Variants in CNTNAP2 observed in about 807,000 individuals in gnomAD.
CNTNAP2 encodes the protein contactin-associated protein-like 2.
CNTNAP2 carries 98 observed loss-of-function variants against 155.2 expected under a neutral mutation model. The ratio of observed to expected loss-of-function variants is 0.63; its 90% CI spans 0.54 to 0.75. The LOEUF is 0.75. CNTNAP2 is among the 30% of genes least tolerant of loss of function. The pLI is 0.00. For missense variants in CNTNAP2, 1,727 were observed against 1,688.1 expected (o/e 1.02, Z -0.40); for synonymous variants, 651 against 631.2 (o/e 1.03, Z -0.47).
At chr7:146,351,014 C>T (rs960315522) in intron 1 of CNTNAP2, among the ~76,000 whole-genome samples, 2 of 118,294 alleles carry the variant, frequency 1.7e-5, no homozygotes, top group Admixed American at 2.5e-4. Context: ...GAGCATCACA[C>T]TCTGGGGCTT....
intron 1 of CNTNAP2, among the ~76,000 whole-genome samples, chr7:146,328,515 C>CTGTGTGTGTGTG (rs36098013): frequency 4.8e-4 from 71 of 147,204 alleles, no homozygotes; most frequent in African/African-American, 1.3e-3. Context: ...ACTTAGCGAC[C>CTGTGTGTGTGTG]TGTGTGTGTG....
At chr7:148,141,400 A>G (rs1445163129) in intron 16 of CNTNAP2, among the ~76,000 whole-genome samples, 1 of 152,228 alleles carries the variant, frequency 6.6e-6, no homozygotes, top group Non-Finnish European at 1.5e-5. Context: ...ATATTCATTG[A>G]GTTACTTTGT....
intron 15 of CNTNAP2, among the ~76,000 whole-genome samples, chr7:148,012,823 A>C (rs1380345034): frequency 2.0e-5 from 3 of 152,222 alleles, no homozygotes; most frequent in Non-Finnish European, 1.5e-5. Flanking sequence ...CTTTTGCTAC[A>C]ACAAATAATA....
chr7:147,481,916 A>G (rs1344277661), intron 10 of CNTNAP2, among the ~76,000 whole-genome samples: 2 of 152,340 alleles, frequency 1.3e-5, no homozygotes, highest in Non-Finnish European at 2.9e-5. Context: ...TTAGTTTATT[A>G]GCGCAAGAGT....
At chr7:146,344,651 A>C (rs1275312151) in intron 1 of CNTNAP2, among the ~76,000 whole-genome samples, 1 of 151,864 alleles carries the variant, frequency 6.6e-6, no homozygotes, top group African/African-American at 2.4e-5. Flanking sequence ...GCTAATTTTC[A>C]TATTTTTAGT....
chr7:147,440,744 G>C (rs1797623916), intron 10 of CNTNAP2, among the ~76,000 whole-genome samples: 1 of 152,222 alleles, frequency 6.6e-6, no homozygotes, highest in African/African-American at 2.4e-5. Flanking sequence ...TACCATTCTA[G>C]AGTGAAGGTT....
intron 3 of CNTNAP2, among the ~76,000 whole-genome samples, chr7:146,841,970 C>G (rs1032517739): frequency 6.6e-6 from 1 of 151,926 alleles, no homozygotes; most frequent in Non-Finnish European, 1.5e-5. Flanking sequence ...GCAACCTCCG[C>G]CTCCTGGATT....
chr7:147,820,991 T>A (rs1798351208), intron 13 of CNTNAP2, among the ~76,000 whole-genome samples: 1 of 152,266 alleles, frequency 6.6e-6, no homozygotes, highest in African/African-American at 2.4e-5. Context: ...TACAGATTAA[T>A]ATGTCTAGCT....
intron 13 of CNTNAP2, among the ~76,000 whole-genome samples, chr7:147,841,133 G>A (rs1433561624): frequency 6.6e-6 from 1 of 152,136 alleles, no homozygotes; most frequent in Non-Finnish European, 1.5e-5. Context: ...CTAGACAAGT[G>A]AGACAGAGAG....
chr7:148,200,903 T>C (rs1795360364), intron 18 of CNTNAP2, among the ~76,000 whole-genome samples: 1 of 152,180 alleles, frequency 6.6e-6, no homozygotes, highest in Non-Finnish European at 1.5e-5. Context: ...CTAAATAACA[T>C]AGTCCTTAAT....
At position 148,138,061 on chromosome 7, in the gene CNTNAP2, C is replaced by G. The variant is rs139750593; in HGVS notation, c.2555-9430C>G. Among the ~76,000 whole-genome samples the G allele has an allele frequency of 5.3e-5, 8 of 152,276 alleles. No homozygotes were observed. In the East Asian group the frequency reaches 1.5e-3, roughly 29 times the overall value. On this transcript the variant is annotated intron_variant, in intron 16 of 23. Coordinates refer to ENST00000361727, the MANE Select transcript of CNTNAP2 (RefSeq NM_014141.6). ...AGAGAGAAAAATACTACCTGTGATA[C>G]AACCTATCGGCAGAGTCACAAGTCA...
chr7:147,664,893 G>C (rs564222895), intron 13 of CNTNAP2, among the ~76,000 whole-genome samples: 1 of 152,322 alleles, frequency 6.6e-6, no homozygotes, highest in East Asian at 1.9e-4. Context: ...GCCCTTGTAA[G>C]TTATTTACCT....
At chr7:146,674,513 A>T (rs6963054) in intron 1 of CNTNAP2, among the ~76,000 whole-genome samples, 119,662 of 149,644 alleles carry the variant, frequency 0.8, 47,921 homozygotes, top group South Asian at 0.89. Context: ...AAAAAAAATT[A>T]AAAAAAAAAG....
chr7:147,969,460 G>A (rs1290293139), intron 14 of CNTNAP2, among the ~76,000 whole-genome samples: 1 of 152,112 alleles, frequency 6.6e-6, no homozygotes, highest in African/African-American at 2.4e-5. Context: ...ATTGCATGTT[G>A]GTTTGGTCTG....
chr7:147,328,245 T>C (rs1795496419), intron 9 of CNTNAP2, among the ~76,000 whole-genome samples: 1 of 152,070 alleles, frequency 6.6e-6, no homozygotes, highest in Non-Finnish European at 1.5e-5. Context: ...GAATCCACGA[T>C]AAAGAGGGAG....
At chr7:147,767,619 TA>T (rs149544751) in intron 13 of CNTNAP2, among the ~76,000 whole-genome samples, 1,963 of 152,194 alleles carry the variant, frequency 0.013, 24 homozygotes, top group South Asian at 0.023. Flanking sequence ...TGCATTATTA[TA>T]CTTAATTTTC....
At chr7:146,798,937 T>G (rs1316202068) in intron 2 of CNTNAP2, among the ~76,000 whole-genome samples, 1 of 152,044 alleles carries the variant, frequency 6.6e-6, no homozygotes, top group African/African-American at 2.4e-5. Flanking sequence ...TTTGAGTACA[T>G]TATGTGAGCT....
chr7:148,030,662 T>A (rs1200279081), intron 15 of CNTNAP2, among the ~76,000 whole-genome samples: 1 of 134,864 alleles, frequency 7.4e-6, no homozygotes, highest in Non-Finnish European at 1.5e-5. Context: ...ATTTTCTTTA[T>A]CCAGCTCTTT....
intron 1 of CNTNAP2, among the ~76,000 whole-genome samples, chr7:146,575,608 G>T (rs10229049): frequency 0.74 from 112,587 of 152,036 alleles, 42,183 homozygotes; most frequent in South Asian, 0.86. Context: ...AAACAGGAGT[G>T]GTGACTTTTC....
Sources: allele counts gnomAD v4.1 joint callset (sites outside exome capture counted in the v4.1 genomes callset), GRCh38; gene constraint gnomAD v4.1.1; transcripts MANE v1.5; gene names NCBI Gene and HGNC (gene_info 2026-07-23, HGNC 2026-07-21).